PI4K2B: variants seen among roughly 807,000 people sequenced by gnomAD.
PI4K2B encodes phosphatidylinositol 4-kinase type 2 beta.
A neutral mutation model predicts 56.6 loss-of-function variants in PI4K2B; 46 were observed. The observed-to-expected ratio is 0.81, with a 90% CI of 0.64 to 1.04. PI4K2B has a LOEUF of 1.04. Ranked by LOEUF, PI4K2B falls within the 50% of genes least tolerant of loss-of-function variation. PI4K2B has a pLI of 0.00. For synonymous variants in PI4K2B, 211 were observed against 223.8 expected, an observed-to-expected ratio of 0.94 and a Z score of 0.51; for missense variants, 556 against 607.7, an observed-to-expected ratio of 0.91 and a Z score of 0.89.
chr4:25,267,774 A>C, intron 7 of PI4K2B: 1 of 980,892 alleles, frequency 1.0e-6, no homozygotes, highest in Non-Finnish European at 1.2e-6. Flanking sequence ...GGAGAATTAG[A>C]GATAGCTTAG....
chr4:25,235,133 TAATA>T (rs1462682861), intron 1 of PI4K2B, among the ~76,000 whole-genome samples: 2 of 152,194 alleles, frequency 1.3e-5, no homozygotes, highest in Non-Finnish European at 2.9e-5. Context: ...GGATATTTAT[TAATA>T]AAGTGAGTTT....
At position 25,259,162 on chromosome 4, in the gene PI4K2B, T is replaced by C; in HGVS notation, c.882T>C (p.Val294=). The change falls in exon 5 of 10, where the codon GTT becomes GTC. Residue 294 remains valine (V), a synonymous_variant. Transcript: ENST00000264864. ...TTCAGTCACAATTTGAAAGATTAGT[T>C]ATTTTGGATTACATCATCAGAAATA... is the stretch of plus-strand genomic sequence containing the variant. The part of the protein sequence containing the change: ...KQFQSQFERL[V]ILDYIIRNTD... 6.4e-7 allele frequency: 1 copy of C among 1,574,042 alleles called. No individual in the cohort carries two copies. Among genetic ancestry groups the C allele is most frequent in the Non-Finnish European group, 8.7e-7 (1 of 1,147,652 alleles).
At position 25,257,943 on chromosome 4, in the gene PI4K2B, G is replaced by A. The variant is rs1361519221; in HGVS notation, c.757-1094G>A. Among the ~76,000 whole-genome samples the A allele has an allele frequency of 2.6e-5, 4 of 152,266 alleles. No individual in the cohort carries two copies. The East Asian group carries it at 7.7e-4, about 29-fold the overall frequency. On this transcript the variant is annotated intron_variant, in intron 4 of 9. Transcript: ENST00000264864. Reference sequence around the variant, plus strand: ...AAAACATTAAGTGTTAGAATAAAAAGCAGATTTTCTTTGTGGTGATTTGTT... The same window carrying A: ...AAAACATTAAGTGTTAGAATAAAAAACAGATTTTCTTTGTGGTGATTTGTT...
At chr4:25,245,449 A>C (rs1577679428) in intron 1 of PI4K2B, among the ~76,000 whole-genome samples, 1 of 151,996 alleles carries the variant, frequency 6.6e-6, no homozygotes, top group East Asian at 1.9e-4. Flanking sequence ...AGGGTCAACC[A>C]AGTTGTTGGT....
At chr4:25,258,997 C>T in intron 4 of PI4K2B, 40 bp from the exon 5 acceptor site, 1 of 1,065,622 alleles carries the variant, frequency 9.4e-7, no homozygotes, top group Non-Finnish European at 1.4e-6. Flanking sequence ...TCCCCTTGTT[C>T]TTGTACTTTC....
chr4:25,265,198 CAAAAAAAAAAA>C (rs71188933), intron 7 of PI4K2B, among the ~76,000 whole-genome samples: 69 of 65,408 alleles, frequency 1.1e-3, no homozygotes, highest in Non-Finnish European at 1.6e-3. Context: ...TCTGTCTCAC[CAAAAAAAAAAA>C]AAAAAAAAAA....
rs1043426211 is a variant in PI4K2B at position 25,269,783 on chromosome 4, G to A, written c.1272+580G>A. 6.0e-5 allele frequency among the ~76,000 whole-genome samples: 9 copies of A among 150,774 alleles called. No homozygotes were observed. In the East Asian group the frequency reaches 1.2e-3, roughly 20 times the overall value. On this transcript the variant is annotated intron_variant, in intron 9 of 9. Transcript: ENST00000264864. ...GGCTGGAGTGCAGTGGAACGATCTCGGCTCACTGCAAGCTCCGCCTCCCAG... is the reference window on the plus strand; with the variant it reads ...GGCTGGAGTGCAGTGGAACGATCTCAGCTCACTGCAAGCTCCGCCTCCCAG...
chr4:25,247,396 C>CT (rs34661636), intron 1 of PI4K2B, among the ~76,000 whole-genome samples: 61,529 of 152,148 alleles, frequency 0.4, 15,397 homozygotes, highest in Non-Finnish European at 0.55. Context: ...TTTTGAGTGC[C>CT]TACTGGGTGC....
At chr4:25,266,550 T>C (rs1367550620) in intron 7 of PI4K2B, among the ~76,000 whole-genome samples, 1 of 152,236 alleles carries the variant, frequency 6.6e-6, no homozygotes, top group African/African-American at 2.4e-5. Context: ...TCCTGTCTTT[T>C]ATTGAACTGA....
rs1715121162 is a variant in PI4K2B at position 25,234,113 on chromosome 4, G to A, written c.-51G>A. On this transcript the variant is annotated 5_prime_UTR_variant, in exon 1 of 10. Transcript: ENST00000264864. Reference sequence around the variant, plus strand: ...CGCGCCATGCAGAGCCCAGTCTCTGGCACCTGGCTGCTCTGATCTGGTCTC... The same window carrying A: ...CGCGCCATGCAGAGCCCAGTCTCTGACACCTGGCTGCTCTGATCTGGTCTC... 8.0e-7 allele frequency: 1 copy of A among 1,250,530 alleles called. No individual in the cohort carries two copies. The highest frequency in any genetic ancestry group is 4.2e-5 in the Admixed American group (1 of 23,938). The allele number at this position is 1,250,530 out of a possible 1,614,324, so 77.5% of individuals were successfully genotyped here.
intron 9 of PI4K2B, chr4:25,276,709 A>G: frequency 1.0e-6 from 1 of 985,230 alleles, no homozygotes; most frequent in Non-Finnish European, 1.2e-6. Context: ...CTCTTCACTT[A>G]CCGTTCTTTG....
At chr4:25,243,083 G>T (rs539912062) in intron 1 of PI4K2B, among the ~76,000 whole-genome samples, 1 of 152,218 alleles carries the variant, frequency 6.6e-6, no homozygotes, top group Admixed American at 6.5e-5. Context: ...GAGGACAGTC[G>T]TCCAGGACAG....
intron 1 of PI4K2B, among the ~76,000 whole-genome samples, chr4:25,235,428 C>G (rs1398171604): frequency 1.3e-5 from 2 of 152,120 alleles, no homozygotes; most frequent in Admixed American, 1.3e-4. Context: ...ACTAATGTGT[C>G]CTTTACAGTT....
intron 1 of PI4K2B, among the ~76,000 whole-genome samples, chr4:25,234,862 A>G (rs915991803): frequency 6.6e-6 from 1 of 152,216 alleles, no homozygotes; most frequent in Non-Finnish European, 1.5e-5. Flanking sequence ...CAGCCAGAAT[A>G]TCCAGTTGCC....
At chr4:25,272,933 A>T (rs1280893907) in intron 9 of PI4K2B, among the ~76,000 whole-genome samples, 1 of 152,140 alleles carries the variant, frequency 6.6e-6, no homozygotes, top group East Asian at 1.9e-4. Flanking sequence ...CTCAAGTCAA[A>T]ATACTTGTGT....
At chr4:25,267,816 C>T in intron 7 of PI4K2B, 2 of 970,710 alleles carry the variant, frequency 2.1e-6, no homozygotes, top group Non-Finnish European at 2.4e-6. Flanking sequence ...TAAAATGACT[C>T]ACCCATTTAC....
intron 6 of PI4K2B, among the ~76,000 whole-genome samples, chr4:25,262,458 C>G (rs1009160485): frequency 6.6e-6 from 1 of 152,160 alleles, no homozygotes; most frequent in African/African-American, 2.4e-5. Flanking sequence ...ATTTTGTGCA[C>G]TTTCAATGAG....
intron 9 of PI4K2B, among the ~76,000 whole-genome samples, chr4:25,272,949 C>T (rs753774490): frequency 5.9e-5 from 9 of 152,068 alleles, no homozygotes; most frequent in African/African-American, 2.2e-4. Flanking sequence ...TGTGTTATTT[C>T]TGTCAGTTAT....
chr4:25,252,438 GT>G lies in PI4K2B; in HGVS notation c.388del (p.Ser130GlnfsTer7), dbSNP rs1560372112. ...VGIFPERISQ[G>X]SSGSYFVKDP... ...ATTTTTCCAGAAAGAATCTCTCAAG[GT>G]TCAAGTGGAAGTTACTTTGTGAAGG... On this transcript the variant is annotated frameshift_variant, in exon 2 of 10. Transcript: ENST00000264864. LOFTEE classifies it high-confidence loss of function. 3 of 1,612,062 alleles carry G rather than the reference GT, an allele frequency of 1.9e-6. No individual in the cohort carries two copies. The South Asian group carries it at 3.3e-5, about 18-fold the overall frequency.
Sources: gnomAD v4.1 joint callset for allele counts (sites outside exome capture counted in the v4.1 genomes callset) on GRCh38, gnomAD v4.1.1 for gene constraint, MANE v1.5 for transcripts, NCBI Gene and HGNC (gene_info 2026-07-23, HGNC 2026-07-21) for gene names.